The following ADAM23 variants were observed in gnomAD, a reference collection of about 807,000 sequenced individuals.
ADAM23 encodes the protein disintegrin and metalloproteinase domain-containing protein 23.
Under a neutral mutation model 120.1 loss-of-function variants are expected in ADAM23, and 33 were observed. The ratio of observed to expected loss-of-function variants is 0.27; its 90% confidence interval spans 0.21 to 0.37. The LOEUF (loss-of-function observed/expected upper bound fraction) is 0.37. Among genes scored for constraint, ADAM23 ranks in the 10% least tolerant of loss-of-function variants. The pLI is 1.00. For synonymous variants in ADAM23, 367 were observed against 375.2 expected, an observed-to-expected ratio of 0.98 and a Z score of 0.25; for missense variants, 862 against 1,058.2, an observed-to-expected ratio of 0.81 and a Z score of 2.57.
chr2:206,470,927 G>C (rs762596542), intron 2 of ADAM23, among the ~76,000 whole-genome samples: 4 of 152,138 alleles, frequency 2.6e-5, no homozygotes, highest in Admixed American at 6.6e-5. Context: ...GACCACTTAG[G>C]AATATCATTG....
chr2:206,518,753 G>T (rs1207176133), intron 3 of ADAM23, among the ~76,000 whole-genome samples: 4 of 152,054 alleles, frequency 2.6e-5, no homozygotes, highest in African/African-American at 9.7e-5. Flanking sequence ...TTTTTGTTGA[G>T]GTACATAGAA....
At position 206,550,266 on chromosome 2, in the gene ADAM23, T is replaced by C. The variant is rs1390589200; in HGVS notation, c.933+106T>C. ...TTTTTTACTTATTAACCCCAAGATA[T>C]TCAGACATATTAAGTGACTTGATTT... On this transcript the variant is annotated intron_variant, in intron 9 of 25. Coordinates refer to ENST00000264377, the MANE Select transcript of ADAM23 (RefSeq NM_003812.4). The C allele has an allele frequency of 4.5e-5, 25 of 561,336 alleles. No homozygotes were observed. In the East Asian group the frequency reaches 8.0e-4, roughly 18 times the overall value. 34.8% of individuals were successfully genotyped at this position (561,336 alleles called of 1,614,324 possible). A position where few individuals can be genotyped will look rare whatever the true frequency, so the allele number is the denominator to read the frequency against.
chr2:206,563,121 T>C (rs938902752), intron 13 of ADAM23, among the ~76,000 whole-genome samples: 10 of 152,186 alleles, frequency 6.6e-5, no homozygotes, highest in African/African-American at 2.4e-4. Flanking sequence ...TTTATGACAG[T>C]GGGCAACGAC....
intron 2 of ADAM23, among the ~76,000 whole-genome samples, chr2:206,477,897 A>AAAAAATATATATAT (rs374524658): frequency 4.3e-5 from 4 of 93,576 alleles, no homozygotes; most frequent in Admixed American, 1.3e-4. Flanking sequence ...AAAAAAAAAA[A>AAAAAATATATATAT]ATATATATAT....
intron 3 of ADAM23, among the ~76,000 whole-genome samples, chr2:206,526,013 C>T (rs1183763880): frequency 6.6e-6 from 1 of 152,090 alleles, no homozygotes; most frequent in East Asian, 1.9e-4. Flanking sequence ...TTATTAGAAT[C>T]CTTGGCTTCT....
intron 9 of ADAM23, among the ~76,000 whole-genome samples, chr2:206,553,657 T>C (rs896201471): frequency 6.6e-6 from 1 of 152,212 alleles, no homozygotes; most frequent in Non-Finnish European, 1.5e-5. Context: ...TTTTGAGGTA[T>C]GCTTTCTATG....
chr2:206,512,921 T>A (rs1228524276), intron 3 of ADAM23, among the ~76,000 whole-genome samples: 1 of 152,196 alleles, frequency 6.6e-6, no homozygotes, highest in African/African-American at 2.4e-5. Flanking sequence ...TATTATGATC[T>A]GTGATCAGTG....
chr2:206,576,507 A>G (rs1202377711), intron 18 of ADAM23, among the ~76,000 whole-genome samples: 1 of 152,124 alleles, frequency 6.6e-6, no homozygotes, highest in Non-Finnish European at 1.5e-5. Context: ...TATTTTTGCT[A>G]ATATTTTTCT....
chr2:206,566,639 G>A (rs931304324), intron 14 of ADAM23, among the ~76,000 whole-genome samples: 5 of 152,068 alleles, frequency 3.3e-5, no homozygotes, highest in South Asian at 4.1e-4. Flanking sequence ...TCATGGAAGC[G>A]TACCCCAATT....
At chr2:206,504,114 G>T (rs1369804647) in intron 3 of ADAM23, among the ~76,000 whole-genome samples, 3 of 151,838 alleles carry the variant, frequency 2.0e-5, no homozygotes, top group Non-Finnish European at 4.4e-5. Flanking sequence ...ATATATTCAT[G>T]ACCTATTTCT....
chr2:206,570,752 A>T lies in ADAM23; in HGVS notation c.1507A>T (p.Thr503Ser), dbSNP rs763617329. The change falls in exon 16 of 26, where the codon ACG (threonine) becomes TCG (serine). Residue 503 changes from threonine (T) to serine (S), a missense_variant. This residue lies in a region of ADAM23 where 617 missense variants were observed against 813.5 expected (regional missense o/e 0.76). Coordinates refer to ENST00000264377, the MANE Select transcript of ADAM23 (RefSeq NM_003812.4). The stretch of plus-strand genomic sequence containing the variant: ...CTAATCTCTTTAGCTATTTGAGCCC[A>T]CGGAATGTGGAAATGGATACGTGGA... The part of the protein sequence containing the change: ...FNRPTKLFEP[T>S]ECGNGYVEAG... 1 of 1,613,872 alleles carries T rather than the reference A, an allele frequency of 6.2e-7. No homozygotes were observed. Among genetic ancestry groups the T allele is most frequent in the Non-Finnish European group, 8.5e-7 (1 of 1,179,818 alleles).
intron 2 of ADAM23, among the ~76,000 whole-genome samples, chr2:206,462,233 T>C (rs1695436238): frequency 6.6e-6 from 1 of 152,198 alleles, no homozygotes; most frequent in Admixed American, 6.5e-5. Context: ...ATATGTCATA[T>C]AAAATTGGTG....
chr2:206,512,643 C>T (rs1430686344), intron 3 of ADAM23, among the ~76,000 whole-genome samples: 1 of 152,026 alleles, frequency 6.6e-6, no homozygotes, highest in Non-Finnish European at 1.5e-5. Flanking sequence ...AAAATAGAAA[C>T]TCTGAAAAAG....
rs1695009893 is a variant in ADAM23, at chr2:206,443,776, A to T, written c.-91A>T. On this transcript the variant is annotated 5_prime_UTR_variant, in exon 1 of 26. Coordinates refer to ENST00000264377, the MANE Select transcript of ADAM23 (RefSeq NM_003812.4). ...GCCCGCCGCGGCACCATGCGCGCCGAGCCGGCGTGACCGGCTCCGCCCGCG... is the reference window on the plus strand; with the variant it reads ...GCCCGCCGCGGCACCATGCGCGCCGTGCCGGCGTGACCGGCTCCGCCCGCG... 1 of 687,914 alleles carries T rather than the reference A, an allele frequency of 1.5e-6. No individual in the cohort carries two copies. The highest frequency in any genetic ancestry group is 1.8e-6 in the Non-Finnish European group (1 of 558,706). The allele number at this position is 687,914 out of a possible 1,614,324, so 42.6% of individuals were successfully genotyped here.
intron 18 of ADAM23, among the ~76,000 whole-genome samples, chr2:206,580,712 T>G (rs1227694394): frequency 1.3e-5 from 2 of 152,190 alleles, no homozygotes; most frequent in Non-Finnish European, 2.9e-5. Context: ...GTTTTGGTAT[T>G]AGGTTGATGC....
intron 3 of ADAM23, among the ~76,000 whole-genome samples, chr2:206,527,488 ATAAT>A (rs2105795246): frequency 6.6e-6 from 1 of 152,340 alleles, no homozygotes; most frequent in East Asian, 1.9e-4. Flanking sequence ...CAAGACTTTT[ATAAT>A]TAATTAGGTT....
intron 25 of ADAM23, among the ~76,000 whole-genome samples, chr2:206,613,893 G>A (rs1698883595): frequency 6.6e-6 from 1 of 152,218 alleles, no homozygotes; most frequent in South Asian, 2.1e-4. Flanking sequence ...ATTAGTAGGT[G>A]ATGGTGGTAG....
At chr2:206,484,868 A>G (rs1354872069) in intron 3 of ADAM23, among the ~76,000 whole-genome samples, 1 of 152,100 alleles carries the variant, frequency 6.6e-6, no homozygotes, top group African/African-American at 2.4e-5. Context: ...TGTTCTTGTG[A>G]TAATGAATAA....
intron 2 of ADAM23, among the ~76,000 whole-genome samples, chr2:206,455,070 C>T (rs144453385): frequency 3.3e-5 from 5 of 152,376 alleles, no homozygotes; most frequent in African/African-American, 7.2e-5. Context: ...AAACATTTCC[C>T]CTCTGCACTG....
Sources: gnomAD v4.1 joint callset for allele counts (sites outside exome capture counted in the v4.1 genomes callset) on GRCh38, gnomAD v4.1.1 for gene constraint, gnomAD v4.1.1 regional missense constraint, MANE v1.5 for transcripts, NCBI Gene and HGNC (gene_info 2026-07-23, HGNC 2026-07-21) for gene names.